ABCA13: variants seen among roughly 807,000 people sequenced by gnomAD.
ABCA13 encodes ATP binding cassette subfamily A member 13.
A neutral mutation model predicts 478.7 loss-of-function variants in ABCA13; 476 were observed. That is an observed-to-expected ratio of 0.99 (90% CI 0.92 to 1.07). The LOEUF is 1.07. ABCA13 is among the 50% of genes least tolerant of loss of function. ABCA13 has a pLI of 0.00. For synonymous variants in ABCA13, 2,252 were observed against 2,158.9 expected, an observed-to-expected ratio of 1.04 and a Z score of -1.20; for missense variants, 6,060 against 5,910.6, an observed-to-expected ratio of 1.03 and a Z score of -0.83.
At chr7:48,555,844 C>T (rs73109382) in intron 55 of ABCA13, among the ~76,000 whole-genome samples, 20,951 of 150,482 alleles carry the variant, frequency 0.14, 1,806 homozygotes, top group African/African-American at 0.23. Flanking sequence ...TTATTTTTTA[C>T]CAATTTTGGG....
At position 48,455,213 on chromosome 7, in the gene ABCA13, C is replaced by A; in HGVS notation, c.12742C>A (p.Pro4248Thr). 3 of 1,598,344 alleles carry A rather than the reference C, an allele frequency of 1.9e-6. No individual in the cohort carries two copies. Among genetic ancestry groups the A allele is most frequent in the Non-Finnish European group, 2.6e-6 (3 of 1,172,858 alleles). ...ALAMGLFMVR[P>T]LATEYPPLRL... The stretch of plus-strand genomic sequence containing the variant: ...GGCCATGGGCTTGTTCATGGTGAGA[C>A]CCCTGGCCACCGAGTACCCTCCCCT... Residue 4248 changes from proline (P) to threonine (T), a missense_variant, in exon 43 of 62, where the codon CCC becomes ACC. Physicochemically the swap from Pro to Thr is conservative, Grantham distance 38. Transcript: ENST00000435803.
At chr7:48,213,460 C>T (rs1391334133) in intron 3 of ABCA13, among the ~76,000 whole-genome samples, 5 of 152,202 alleles carry the variant, frequency 3.3e-5, no homozygotes, top group Non-Finnish European at 7.3e-5. Flanking sequence ...TGCTCATGAT[C>T]ATCTGAGCCT....
chr7:48,466,986 T>C lies in ABCA13; in HGVS notation c.12846T>C (p.Arg4282=), dbSNP rs1408933957. Residue 4282 remains arginine (R), a synonymous_variant, in exon 44 of 62, where the codon CGT becomes CGC. Coordinates refer to ENST00000435803, the MANE Select transcript of ABCA13 (RefSeq NM_152701.5). ...SSGGDNLDLT[R]VLLRKFRDQD... ...GGGGCGACAACTTGGACCTCACCCG[T>C]GTGCTTCTGCGGAAGTTTAGAGATC... 6.2e-7 allele frequency: 1 copy of C among 1,613,858 alleles called. No individual in the cohort carries two copies. The highest frequency in any genetic ancestry group is 2.2e-5 in the East Asian group (1 of 44,882).
intron 59 of ABCA13, among the ~76,000 whole-genome samples, chr7:48,633,081 GTCA>G (rs1291288774): frequency 6.6e-6 from 1 of 152,032 alleles, no homozygotes; most frequent in African/African-American, 2.4e-5. Flanking sequence ...TAAATTAATT[GTCA>G]TCAACATTAA....
At chr7:48,412,960 C>T (rs953838111) in intron 41 of ABCA13, among the ~76,000 whole-genome samples, 1 of 151,368 alleles carries the variant, frequency 6.6e-6, no homozygotes, top group Admixed American at 6.6e-5. Context: ...TACAGGCGCC[C>T]GCCACCACGC....
intron 59 of ABCA13, among the ~76,000 whole-genome samples, chr7:48,639,033 G>A (rs1338012536): frequency 6.6e-6 from 1 of 152,168 alleles, no homozygotes; most frequent in African/African-American, 2.4e-5. Context: ...CAGAGGCAGA[G>A]ATAGCAGCAT....
rs2130904621 is a variant in ABCA13, at chr7:48,511,186, C to T, written c.13627C>T (p.Leu4543=). The T allele has an allele frequency of 6.2e-7, 1 of 1,611,738 alleles. No homozygotes were observed. Among genetic ancestry groups the T allele is most frequent in the Non-Finnish European group, 8.5e-7 (1 of 1,179,040 alleles). The change falls in exon 51 of 62, where the codon CTG becomes TTG. Residue 4543 remains leucine (L), a synonymous_variant. Transcript: ENST00000435803. ...GAACTTGGCAGCCACGGCCCTCCTG[C>T]TGTCACTTTTCGGGTATGTGATGAG... is the stretch of plus-strand genomic sequence containing the variant. The part of the protein sequence containing the change: ...RKNLAATALL[L]SLFGYATLPW...
chr7:48,620,302 G>T (rs1201055450), intron 59 of ABCA13, among the ~76,000 whole-genome samples: 1 of 152,176 alleles, frequency 6.6e-6, no homozygotes, highest in Non-Finnish European at 1.5e-5. Context: ...ACCAGTCAAA[G>T]CAAAGTTTAG....
intron 59 of ABCA13, among the ~76,000 whole-genome samples, chr7:48,623,701 T>G (rs934082126): frequency 6.6e-6 from 1 of 152,184 alleles, no homozygotes; most frequent in Non-Finnish European, 1.5e-5. Flanking sequence ...ATGCCAACTG[T>G]CTGTTCCCTC....
At chr7:48,348,248 A>G (rs1808408353) in intron 29 of ABCA13, among the ~76,000 whole-genome samples, 1 of 152,174 alleles carries the variant, frequency 6.6e-6, no homozygotes, top group Admixed American at 6.5e-5. Flanking sequence ...GAACTTTTCC[A>G]AGGAACTCTG....
rs779489739 is a variant in ABCA13 at position 48,309,968 on chromosome 7, G to A, written c.9343G>A (p.Val3115Ile). ...HSKVLFSALT[V>I]ALSGKCDQEI... is the part of the protein sequence containing the mutation. ...ACAGGTTCTCTTCAGTGCCCTCACCGTAGCTCTGTCTGGAAAGTGTGATCA... is the reference window on the plus strand; with the variant it reads ...ACAGGTTCTCTTCAGTGCCCTCACCATAGCTCTGTCTGGAAAGTGTGATCA... The change falls in exon 24 of 62, where the codon GTA becomes ATA. Residue 3115 changes from valine to isoleucine, a missense_variant. This residue lies in a region of ABCA13 where 4,423 missense variants were observed against 4,309.1 expected (regional missense o/e 1.03). Transcript: ENST00000435803. 191 of 1,613,750 alleles carry A rather than the reference G, an allele frequency of 1.2e-4. No homozygotes were observed. The highest frequency in any genetic ancestry group is 1.4e-4 in the Non-Finnish European group (168 of 1,179,792).
chr7:48,622,366 T>C (rs960454475), intron 59 of ABCA13, among the ~76,000 whole-genome samples: 1 of 152,190 alleles, frequency 6.6e-6, no homozygotes. Context: ...ATTTTCCTCT[T>C]GGAGCAGAAG....
intron 15 of ABCA13, among the ~76,000 whole-genome samples, chr7:48,250,952 C>T (rs906751141): frequency 1.3e-5 from 2 of 152,166 alleles, no homozygotes; most frequent in Admixed American, 6.5e-5. Flanking sequence ...TTTCTCATTC[C>T]TTTTCTGTGG....
chr7:48,585,200 C>T lies in ABCA13; in HGVS notation c.14506-1954C>T, dbSNP rs75086261. Among the ~76,000 whole-genome samples the T allele has an allele frequency of 8.0e-3, 1,210 of 152,174 alleles. 10 individuals are homozygous for T. The highest frequency in any genetic ancestry group is 0.022 in the African/African-American group (910 of 41,530). ...GTTTGTTTGCTTGTGATGAATAAAA[C>T]GTTTTGTTTTGATATTTTAAAATTC... On this transcript the variant is annotated intron_variant, in intron 56 of 61. Transcript: ENST00000435803.
intron 18 of ABCA13, among the ~76,000 whole-genome samples, chr7:48,280,220 T>C (rs2128777863): frequency 6.6e-6 from 1 of 152,338 alleles, no homozygotes; most frequent in Middle Eastern, 3.4e-3. Context: ...ACTAGTTGCA[T>C]AAACAATTTT....
chr7:48,410,977 C>CTTTCTT lies in ABCA13; in HGVS notation c.12228+301_12228+302insTTCTTT, dbSNP rs770039676. Among the ~76,000 whole-genome samples the CTTTCTT allele has an allele frequency of 1.1e-4, 12 of 104,640 alleles. 1 individual carries two copies. The highest frequency in any genetic ancestry group is 4.0e-4 in the African/African-American group (11 of 27,634). 68.6% of individuals were successfully genotyped at this position (104,640 alleles called of 152,430 possible). A position where few individuals can be genotyped will look rare whatever the true frequency, so the allele number is the denominator to read the frequency against. On this transcript the variant is annotated intron_variant, in intron 40 of 61. Transcript: ENST00000435803. ...ACCTATGTATTCTAGAAATTCTTTTCTCTTTCTTTCTTTCTTTCTTTCTTT... is the reference window on the plus strand; with the variant it reads ...ACCTATGTATTCTAGAAATTCTTTTCTTTCTTTCTTTCTTTCTTTCTTTCTTTCTTT...
intron 1 of ABCA13, among the ~76,000 whole-genome samples, chr7:48,191,770 T>C (rs1390821280): frequency 6.6e-6 from 1 of 152,190 alleles, no homozygotes; most frequent in Non-Finnish European, 1.5e-5. Flanking sequence ...TTTACACCTG[T>C]GTTTTGTCTT....
chr7:48,179,351 C>G (rs934354597), intron 1 of ABCA13, among the ~76,000 whole-genome samples: 9 of 152,206 alleles, frequency 5.9e-5, no homozygotes, highest in African/African-American at 1.7e-4. Context: ...TTCAAGGAAA[C>G]CTTACCCGAG....
intron 52 of ABCA13, among the ~76,000 whole-genome samples, chr7:48,518,288 G>A (rs933929003): frequency 2.0e-5 from 3 of 152,208 alleles, no homozygotes; most frequent in African/African-American, 7.2e-5. Context: ...GAATCATGGT[G>A]AAACTGAAAA....
Sources: gnomAD v4.1 joint callset for allele counts (sites outside exome capture counted in the v4.1 genomes callset) on GRCh38, gnomAD v4.1.1 for gene constraint, gnomAD v4.1.1 regional missense constraint, MANE v1.5 for transcripts, NCBI Gene and HGNC (gene_info 2026-07-23, HGNC 2026-07-21) for gene names.